Variants in PDILT observed in about 807,000 individuals in gnomAD.
The protein encoded by PDILT is protein disulfide-isomerase-like protein of the testis.
Under a neutral mutation model 53.7 loss-of-function variants are expected in PDILT, and 43 were observed. That is an observed-to-expected ratio of 0.80 (90% CI 0.63 to 1.03). The LOEUF (loss-of-function observed/expected upper bound fraction) is 1.03. Ranked by LOEUF, PDILT falls within the 50% of genes least tolerant of loss-of-function variation. The pLI is 0.00. For synonymous variants in PDILT, 282 were observed against 274.2 expected, an observed-to-expected ratio of 1.03 and a Z score of -0.28; for missense variants, 727 against 712.3, an observed-to-expected ratio of 1.02 and a Z score of -0.24.
chr16:20,375,959 A>T (rs1346043110), intron 4 of PDILT, 109 bp downstream of exon 4: 4 of 1,380,508 alleles, frequency 2.9e-6, no homozygotes, highest in Admixed American at 2.2e-5. Flanking sequence ...AGATCATTGG[A>T]TGGAGAAAAT....
chr16:20,404,229 C>T (rs78083257), intron 1 of PDILT, among the ~76,000 whole-genome samples: 1,998 of 152,262 alleles, frequency 0.013, 43 homozygotes, highest in African/African-American at 0.046. Context: ...GGTTCTCAAC[C>T]ATGACTATGC....
At chr16:20,371,543 CAAGAT>C (rs1966305940) in intron 7 of PDILT, among the ~76,000 whole-genome samples, 1 of 152,088 alleles carries the variant, frequency 6.6e-6, no homozygotes, top group South Asian at 2.1e-4. Flanking sequence ...CAGAGGTGAA[CAAGAT>C]AAGAGGTGCA....
chr16:20,385,690 C>T (rs1041402546), intron 2 of PDILT, among the ~76,000 whole-genome samples: 1 of 152,046 alleles, frequency 6.6e-6, no homozygotes, highest in Non-Finnish European at 1.5e-5. Flanking sequence ...CTCACCTCTA[C>T]ACAATTCATC....
intron 2 of PDILT, among the ~76,000 whole-genome samples, chr16:20,398,377 T>C (rs1006212123): frequency 1.1e-4 from 16 of 151,972 alleles, no homozygotes; most frequent in African/African-American, 3.9e-4. Flanking sequence ...ATCCCAGCAG[T>C]TTAGGAGGCT....
At chr16:20,388,485 G>A (rs1966567582) in intron 2 of PDILT, among the ~76,000 whole-genome samples, 1 of 152,156 alleles carries the variant, frequency 6.6e-6, no homozygotes, top group Non-Finnish European at 1.5e-5. Flanking sequence ...TCTTTTTCTT[G>A]GAGCAGATTA....
rs61191069 is a variant in PDILT at position 20,385,439 on chromosome 16, T to C, written c.203-588A>G. ...TCCACTAGGCATGTAAACCACTTGG[T>C]ATAATGCCTGGCACAAGTTAAGTAC... On this transcript the variant is annotated intron_variant, in intron 2 of 11. Transcript: ENST00000302451. Among the ~76,000 whole-genome samples the C allele has an allele frequency of 1.9e-3, 292 of 151,910 alleles. 2 individuals carry two copies. The highest frequency in any genetic ancestry group is 0.013 in the East Asian group (68 of 5,188).
At chr16:20,379,040 T>G (rs1430211020) in intron 3 of PDILT, among the ~76,000 whole-genome samples, 1 of 152,036 alleles carries the variant, frequency 6.6e-6, no homozygotes, top group African/African-American at 2.4e-5. Flanking sequence ...TTGAGACAGT[T>G]TATCCTTCTG....
intron 4 of PDILT, among the ~76,000 whole-genome samples, chr16:20,375,495 C>T (rs548670973): frequency 9.7e-4 from 148 of 152,226 alleles, no homozygotes; most frequent in African/African-American, 2.8e-3. Context: ...AATTAGGACA[C>T]ATGAGAAACT....
intron 2 of PDILT, among the ~76,000 whole-genome samples, chr16:20,385,611 GATCAAAAAA>G (rs1209658609): frequency 6.6e-6 from 1 of 151,972 alleles, no homozygotes; most frequent in Non-Finnish European, 1.5e-5. Context: ...CAGGGTGAGG[GATCAAAAAA>G]AACTGCATAT....
At chr16:20,364,860 T>C (rs1966167218) in intron 9 of PDILT, among the ~76,000 whole-genome samples, 1 of 152,164 alleles carries the variant, frequency 6.6e-6, no homozygotes, top group Non-Finnish European at 1.5e-5. Flanking sequence ...CCCCACCTCC[T>C]ATGGGCCATT....
At chr16:20,390,670 C>A (rs1302249141) in intron 2 of PDILT, 1 of 152,202 alleles carries the variant, frequency 6.6e-6, no homozygotes, top group Non-Finnish European at 1.5e-5. Context: ...TCCTCAGTGC[C>A]TACAATATAT....
Position 20,376,152 on chromosome 16 carries a change from G to T in PDILT, c.459C>A (p.Ser153Arg), listed in dbSNP as rs757894772. The T allele has an allele frequency of 3.7e-6, 6 of 1,614,042 alleles. No homozygotes were observed. In the Admixed American group the frequency reaches 8.3e-5, roughly 22 times the overall value. The change falls in exon 4 of 12, where the codon AGC becomes AGA. Residue 153 changes from serine to arginine, a missense_variant. Coordinates refer to ENST00000302451, the MANE Select transcript of PDILT (RefSeq NM_174924.2). Reference sequence around the variant, plus strand: ...TGCTGTTGAACAAAAATGCTTTCTGGCTAATTTGTCGTCTCAACCAAACGA... The same window carrying T: ...TGCTGTTGAACAAAAATGCTTTCTGTCTAATTTGTCGTCTCAACCAAACGA... ...ALVVWLRRQISQKAFLFNSSE... is the reference protein window; with the variant it reads ...ALVVWLRRQIRQKAFLFNSSE...
chr16:20,372,044 T>C (rs1966314824), intron 7 of PDILT, among the ~76,000 whole-genome samples: 1 of 152,190 alleles, frequency 6.6e-6, no homozygotes, highest in Non-Finnish European at 1.5e-5. Context: ...CTGCCATGAT[T>C]ATACTTCCTA....
At position 20,401,866 on chromosome 16, in the gene PDILT, G is replaced by A. The variant is rs116275658; in HGVS notation, c.-7-2559C>T. Among the ~76,000 whole-genome samples the A allele has an allele frequency of 9.9e-3, 1,509 of 152,380 alleles. 26 individuals are homozygous for A. Among genetic ancestry groups the A allele is most frequent in the African/African-American group, 0.035 (1,437 of 41,586 alleles). On this transcript the variant is annotated intron_variant, in intron 1 of 11. Coordinates refer to ENST00000302451, the MANE Select transcript of PDILT (RefSeq NM_174924.2). ...GTGTTCGCCCTGAGTTCCTGATCAA[G>A]GAAGGGGCAGTGGGAGGTGTCAGGT...
At chr16:20,381,139 G>A (rs1284075030) in intron 3 of PDILT, among the ~76,000 whole-genome samples, 1 of 152,258 alleles carries the variant, frequency 6.6e-6, no homozygotes, top group African/African-American at 2.4e-5. Flanking sequence ...CAATGGCCAT[G>A]GCCAAGTCTC....
intron 7 of PDILT, among the ~76,000 whole-genome samples, chr16:20,372,100 T>C (rs1248333632): frequency 6.6e-6 from 1 of 152,202 alleles, no homozygotes; most frequent in Non-Finnish European, 1.5e-5. Context: ...ATAGTTCAGG[T>C]ACTTCTAACT....
intron 2 of PDILT, 23 bp downstream of exon 2, chr16:20,399,076 T>C: frequency 6.2e-6 from 10 of 1,613,798 alleles, no homozygotes; most frequent in Non-Finnish European, 8.5e-6. Context: ...CTATCATCCA[T>C]CACCCAGGAT....
intron 2 of PDILT, among the ~76,000 whole-genome samples, chr16:20,387,177 T>C (rs1403806895): frequency 6.6e-6 from 1 of 152,220 alleles, no homozygotes; most frequent in South Asian, 2.1e-4. Flanking sequence ...ACCCCTGCTG[T>C]CACTTGAAAA....
intron 2 of PDILT, among the ~76,000 whole-genome samples, chr16:20,386,949 CT>C (rs1052911738): frequency 2.6e-5 from 4 of 152,118 alleles, no homozygotes; most frequent in African/African-American, 4.8e-5. Context: ...CCCAGTGCCC[CT>C]GGGTGTCTGA....
Sources: gnomAD v4.1 joint callset for allele counts (sites outside exome capture counted in the v4.1 genomes callset) on GRCh38, gnomAD v4.1.1 for gene constraint, MANE v1.5 for transcripts, NCBI Gene and HGNC (gene_info 2026-07-23, HGNC 2026-07-21) for gene names.